The following VWA3B variants were observed in gnomAD, a reference collection of about 807,000 sequenced individuals.
The protein encoded by VWA3B is von Willebrand factor A domain containing 3B.
VWA3B carries 138 observed loss-of-function variants against 158.3 expected under a neutral mutation model. The observed-to-expected ratio is 0.87, with a 90% CI of 0.76 to 1.00. The LOEUF (loss-of-function observed/expected upper bound fraction) is 1.00, where lower values mean the gene tolerates loss of function less well. Among genes scored for constraint, VWA3B ranks in the 50% least tolerant of loss-of-function variants. VWA3B has a pLI of 0.00. For synonymous variants in VWA3B, 596 were observed against 587.3 expected (o/e 1.01, Z -0.21); for missense variants, 1,555 against 1,565.1 (o/e 0.99, Z 0.11).
intron 2 of VWA3B, among the ~76,000 whole-genome samples, chr2:98,108,117 T>C (rs973492598): frequency 2.0e-5 from 3 of 152,112 alleles, no homozygotes; most frequent in Non-Finnish European, 2.9e-5. Flanking sequence ...CTCTTTGACT[T>C]ATGGACTTTT....
intron 8 of VWA3B, among the ~76,000 whole-genome samples, chr2:98,165,226 C>T (rs2105260793): frequency 6.6e-6 from 1 of 152,340 alleles, no homozygotes; most frequent in Non-Finnish European, 1.5e-5. Context: ...TAGCTCATTT[C>T]ATATTTGCTA....
At chr2:98,189,348 A>C (rs1356884292) in intron 10 of VWA3B, among the ~76,000 whole-genome samples, 1 of 152,248 alleles carries the variant, frequency 6.6e-6, no homozygotes, top group Non-Finnish European at 1.5e-5. Context: ...CGGAGCTTGC[A>C]GATCGCACTA....
chr2:98,102,139 A>G (rs1683123306), intron 2 of VWA3B, among the ~76,000 whole-genome samples: 1 of 136,780 alleles, frequency 7.3e-6, no homozygotes, highest in African/African-American at 2.8e-5. Context: ...CCCTTAATCC[A>G]TTTAACCCTG....
chr2:98,180,949 A>T, intron 8 of VWA3B, 67 bp from the exon 9 acceptor site: 1 of 1,502,458 alleles, frequency 6.7e-7, no homozygotes, highest in Non-Finnish European at 9.1e-7. Context: ...GTTGGTCAAT[A>T]TTAAGTTGGG....
chr2:98,196,027 AC>A (rs1682010309), intron 12 of VWA3B, among the ~76,000 whole-genome samples: 1 of 152,234 alleles, frequency 6.6e-6, no homozygotes, highest in Non-Finnish European at 1.5e-5. Flanking sequence ...AAGAAAAAAC[AC>A]CACATGATCT....
chr2:98,326,219 T>A, the VWA3B span, among the ~76,000 whole-genome samples: 1 of 152,204 alleles, frequency 6.6e-6, no homozygotes, highest in African/African-American at 2.4e-5. Flanking sequence ...GGGTTATCAC[T>A]ACTAGAGTGC....
chr2:98,199,081 C>T (rs571218508), intron 12 of VWA3B, among the ~76,000 whole-genome samples: 19 of 88,510 alleles, frequency 2.1e-4, no homozygotes, highest in Admixed American at 1.3e-3. Flanking sequence ...CGCGAGACTC[C>T]GTCTCAAAAA....
intron 7 of VWA3B, among the ~76,000 whole-genome samples, chr2:98,160,008 A>AC (rs1491481114): frequency 1.6e-5 from 1 of 61,186 alleles, no homozygotes; most frequent in African/African-American, 3.9e-5. Flanking sequence ...AGAATCCATT[A>AC]AAAAAAAAAA....
chr2:98,239,510 G>A (rs1003608728), intron 19 of VWA3B, among the ~76,000 whole-genome samples: 2 of 151,460 alleles, frequency 1.3e-5, no homozygotes, highest in African/African-American at 4.8e-5. Flanking sequence ...TAGCTGGGTG[G>A]TGAGATTGTT....
intron 2 of VWA3B, among the ~76,000 whole-genome samples, chr2:98,105,291 C>A (rs1421097241): frequency 6.6e-6 from 1 of 152,152 alleles, no homozygotes; most frequent in Non-Finnish European, 1.5e-5. Context: ...CTTATATATT[C>A]TGAGGTAATT....
chr2:98,295,440 C>T lies in VWA3B; in HGVS notation c.3158-2467C>T, dbSNP rs547507046. 1.5e-3 allele frequency among the ~76,000 whole-genome samples: 221 copies of T among 152,318 alleles called. 1 individual carries two copies. Among genetic ancestry groups the T allele is most frequent in the African/African-American group, 4.8e-3 (199 of 41,568 alleles). The stretch of plus-strand genomic sequence containing the variant: ...ACCAATTCTCTGACCCCTGAGCACC[C>T]GCAGCATTTTTGCTGAAGGCCTCCA... On this transcript the variant is annotated intron_variant, in intron 23 of 27. Coordinates refer to ENST00000477737, the MANE Select transcript of VWA3B (RefSeq NM_144992.5).
chr2:98,152,679 T>A (rs1677735750), intron 7 of VWA3B, among the ~76,000 whole-genome samples: 1 of 152,218 alleles, frequency 6.6e-6, no homozygotes, highest in Non-Finnish European at 1.5e-5. Context: ...TTCCCTGAGG[T>A]CCTGGCATCA....
At chr2:98,299,810 C>G (rs553027362) in intron 24 of VWA3B, among the ~76,000 whole-genome samples, 4 of 152,298 alleles carry the variant, frequency 2.6e-5, no homozygotes, top group Admixed American at 6.5e-5. Flanking sequence ...TTTCCAGAAC[C>G]CTCACCATCT....
chr2:98,176,765 A>C (rs773876810), intron 8 of VWA3B, among the ~76,000 whole-genome samples: 1 of 152,210 alleles, frequency 6.6e-6, no homozygotes, highest in Non-Finnish European at 1.5e-5. Context: ...AGTCTTACAG[A>C]AGTCCTGTGA....
intron 7 of VWA3B, 73 bp downstream of exon 7, chr2:98,134,012 T>C: frequency 3.9e-6 from 5 of 1,288,216 alleles, no homozygotes; most frequent in African/African-American, 1.5e-5. Flanking sequence ...CATTAGGAAG[T>C]AAAGTACGAG....
At chr2:98,325,699 A>G in the VWA3B span, among the ~76,000 whole-genome samples, 5 of 152,234 alleles carry the variant, frequency 3.3e-5, no homozygotes, top group African/African-American at 4.8e-5. Context: ...CATGGCAACT[A>G]TGGCACAAAT....
At chr2:98,248,110 T>C (rs1686517492) in intron 19 of VWA3B, among the ~76,000 whole-genome samples, 1 of 151,864 alleles carries the variant, frequency 6.6e-6, no homozygotes, top group Admixed American at 6.6e-5. Flanking sequence ...TTTTTTCTGG[T>C]TTTTTTTCCC....
intron 7 of VWA3B, among the ~76,000 whole-genome samples, chr2:98,159,555 T>C (rs1237824841): frequency 6.6e-6 from 1 of 151,810 alleles, no homozygotes; most frequent in East Asian, 1.9e-4. Flanking sequence ...GGCCTTCAAA[T>C]TGTTACCAGG....
chr2:98,247,039 C>G (rs1283564667), intron 19 of VWA3B, among the ~76,000 whole-genome samples: 2 of 151,832 alleles, frequency 1.3e-5, no homozygotes, highest in African/African-American at 4.8e-5. Flanking sequence ...GCACTGTCGC[C>G]CAGGCTGCAG....
Sources: gnomAD v4.1 joint callset for allele counts (sites outside exome capture counted in the v4.1 genomes callset) on GRCh38, gnomAD v4.1.1 for gene constraint, MANE v1.5 for transcripts, NCBI Gene and HGNC (gene_info 2026-07-23, HGNC 2026-07-21) for gene names.